Variants in CARS2 observed in about 807,000 individuals in gnomAD.
CARS2 encodes the protein cysteinyl-tRNA synthetase 2, mitochondrial, also known as probable cysteine--tRNA ligase, mitochondrial.
A neutral mutation model predicts 68.8 loss-of-function variants in CARS2; 52 were observed. The ratio of observed to expected loss-of-function variants is 0.76; its 90% CI spans 0.61 to 0.95. The LOEUF (loss-of-function observed/expected upper bound fraction) is 0.95. CARS2 is among the 40% of genes least tolerant of loss of function. CARS2 has a pLI of 0.00. For missense variants in CARS2, 780 were observed against 754.2 expected, an observed-to-expected ratio of 1.03 and a Z score of -0.40; for synonymous variants, 314 against 303.6, an observed-to-expected ratio of 1.03 and a Z score of -0.36.
At chr13:110,671,818 C>T in intron 7 of CARS2, among the ~76,000 whole-genome samples, 1 of 152,046 alleles carries the variant, frequency 6.6e-6, no homozygotes, top group East Asian at 1.9e-4. Flanking sequence ...TTCAGGAGAC[C>T]CATCTCACGT....
intron 9 of CARS2, among the ~76,000 whole-genome samples, chr13:110,656,043 C>T (rs936184361): frequency 3.9e-5 from 6 of 152,224 alleles, no homozygotes; most frequent in African/African-American, 1.4e-4. Context: ...CAGTGGCTCA[C>T]GCCTGTAATC....
chr13:110,672,753 T>C (rs1010433080), intron 7 of CARS2, among the ~76,000 whole-genome samples: 2 of 152,138 alleles, frequency 1.3e-5, no homozygotes, highest in African/African-American at 4.8e-5. Flanking sequence ...CAAAAAACCC[T>C]TCAAAAAATC....
At chr13:110,696,298 G>A (rs2139902764) in intron 3 of CARS2, among the ~76,000 whole-genome samples, 1 of 152,310 alleles carries the variant, frequency 6.6e-6, no homozygotes, top group Admixed American at 6.5e-5. Context: ...TAATGGGATT[G>A]CTGGGTTAAA....
At chr13:110,647,637 C>T (rs1031303595) in intron 10 of CARS2, among the ~76,000 whole-genome samples, 4 of 92,632 alleles carry the variant, frequency 4.3e-5, no homozygotes, top group Admixed American at 2.0e-4. Context: ...GTCAGAGGCA[C>T]CTCTAGGGAA....
At position 110,665,395 on chromosome 13, in the gene CARS2, C is replaced by T; in HGVS notation, c.920-1877G>A. 3 of 956,470 alleles carry T rather than the reference C, an allele frequency of 3.1e-6. No individual in the cohort carries two copies. Among genetic ancestry groups the T allele is most frequent in the Non-Finnish European group, 3.7e-6 (3 of 803,448 alleles). 59.2% of individuals were successfully genotyped at this position (956,470 alleles called of 1,614,324 possible). ...CAGGAGGCAGAGGTTGCGGTGAGCT[C>T]AGATAGTGCCACTGCACTCCCAGGC... On this transcript the variant is annotated intron_variant, in intron 8 of 14. Coordinates refer to ENST00000257347, the MANE Select transcript of CARS2 (RefSeq NM_024537.4). This position sits in a 1 kb window ranked among gnomAD's most constrained non-coding sequence, Gnocchi z 4.3.
exon 1 of CARS2, chr13:110,713,325 C>T (rs2064060497): frequency 1.8e-6 from 2 of 1,142,682 alleles, no homozygotes; most frequent in Admixed American, 4.7e-5. Flanking sequence ...GGTTTCTGTC[C>T]CGCGGCCCGT....
intron 9 of CARS2, among the ~76,000 whole-genome samples, chr13:110,660,265 T>C (rs1349116896): frequency 6.6e-6 from 1 of 152,236 alleles, no homozygotes; most frequent in Non-Finnish European, 1.5e-5. Context: ...CCTCCAATGA[T>C]GTCCTGAACC....
rs2062724675 is a variant in CARS2 at position 110,668,846 on chromosome 13, C to G, written c.786-1373G>C. ...GCTCAGAAGGAACAACAATAATGGT[C>G]TCTTCATTATTTAATCTTTCAACAA... On this transcript the variant is annotated intron_variant, in intron 7 of 14. Transcript: ENST00000257347. This position sits in a 1 kb window ranked among gnomAD's most constrained non-coding sequence, Gnocchi z 4.1. 6.6e-6 allele frequency among the ~76,000 whole-genome samples: 1 copy of G among 152,174 alleles called. No individual in the cohort carries two copies. Among genetic ancestry groups the G allele is most frequent in the Non-Finnish European group, 1.5e-5 (1 of 68,044 alleles).
intron 7 of CARS2, among the ~76,000 whole-genome samples, chr13:110,672,721 A>T (rs2062834305): frequency 6.6e-6 from 1 of 152,232 alleles, no homozygotes. Flanking sequence ...AGATCAGAGC[A>T]GAACTGAAGG....
intron 9 of CARS2, 54 bp from the exon 10 acceptor site, chr13:110,651,154 G>C: frequency 8.3e-7 from 1 of 1,208,984 alleles, no homozygotes; most frequent in Non-Finnish European, 1.2e-6. Context: ...GCTTCGCACT[G>C]TTCAGAGAAT....
At position 110,648,263 on chromosome 13, in the gene CARS2, T is replaced by TA. The variant is rs1888403368; in HGVS notation, c.1055-1025dup. Reference sequence around the variant, plus strand: ...AAAGCGATCTGACAAAATTTAAAGATAATATTCGGGGACTGATAGAGTTGA... The same window carrying TA: ...AAAGCGATCTGACAAAATTTAAAGATAAATATTCGGGGACTGATAGAGTTGA... On this transcript the variant is annotated intron_variant, in intron 10 of 14. Transcript: ENST00000257347. 5.3e-5 allele frequency: 8 copies of TA among 152,292 alleles called. No individual in the cohort carries two copies. In the South Asian group the frequency reaches 1.7e-3, roughly 32 times the overall value. 9.4% of individuals were successfully genotyped at this position (152,292 alleles called of 1,614,324 possible). A position where few individuals can be genotyped will look rare whatever the true frequency, so the allele number is the denominator to read the frequency against.
At chr13:110,673,964 C>A (rs1159527342) in intron 7 of CARS2, among the ~76,000 whole-genome samples, 1 of 152,150 alleles carries the variant, frequency 6.6e-6, no homozygotes, top group African/African-American at 2.4e-5. Context: ...TTCACAATTG[C>A]TTCAAAGAGA....
rs1032327144 is a variant in CARS2 at position 110,667,461 on chromosome 13, T to C, written c.798A>G (p.Gly266=). The part of the protein sequence containing the change: ...ECSAIASMVF[G]SQLDIHSGGI... ...CACCTGAATGGATATCCAGTTGACT[T>C]CCAAATACCATACTGCAAGACACAG... is the stretch of plus-strand genomic sequence containing the variant. Residue 266 remains glycine (G), a synonymous_variant, in exon 8 of 15, where the codon GGA becomes GGG. Transcript: ENST00000257347. 3 of 1,613,748 alleles carry C rather than the reference T, an allele frequency of 1.9e-6. No homozygotes were observed. In the Admixed American group the frequency reaches 5.0e-5, roughly 27 times the overall value.
At chr13:110,666,816 C>T (rs538936213) in intron 8 of CARS2, 1 of 985,386 alleles carries the variant, frequency 1.0e-6, no homozygotes, top group African/African-American at 1.7e-5. Context: ...TTAATCGTGA[C>T]CCTGTAAACT....
At chr13:110,675,673 T>G (rs552141056) in intron 7 of CARS2, among the ~76,000 whole-genome samples, 1 of 152,202 alleles carries the variant, frequency 6.6e-6, no homozygotes, top group Non-Finnish European at 1.5e-5. Flanking sequence ...AACCTGCACA[T>G]TGTGCACATG....
intron 11 of CARS2, 163 bp from the exon 12 acceptor site, chr13:110,646,253 T>C (rs1257474551): frequency 5.6e-6 from 4 of 719,436 alleles, no homozygotes; most frequent in African/African-American, 3.6e-5. Flanking sequence ...CAGAAAATTA[T>C]GTAACATCAA....
intron 11 of CARS2, 146 bp downstream of exon 11, chr13:110,646,954 TG>T: frequency 1.0e-6 from 1 of 954,218 alleles, no homozygotes; most frequent in Non-Finnish European, 1.5e-6. Context: ...CCCTGTCTCC[TG>T]GGGCCTCTCT....
At chr13:110,661,066 G>A (rs118104599) in intron 9 of CARS2, among the ~76,000 whole-genome samples, 7,367 of 152,184 alleles carry the variant, frequency 0.048, 253 homozygotes, top group East Asian at 0.12. Context: ...AGCCGATTTA[G>A]GGTAATTCTC....
In CARS2 at chr13:110,682,768, A is replaced by C. The variant is rs115504252; in HGVS notation, c.655+283T>G. ...TATGAGGTTTTCATGTGCGCTGAAA[A>C]CCCTGGGGAGGAAAAAGGAGACAGT... On this transcript the variant is annotated intron_variant, in intron 6 of 14. Transcript: ENST00000257347. Among the ~76,000 whole-genome samples the C allele has an allele frequency of 6.2e-3, 947 of 151,982 alleles. 9 individuals are homozygous for C. Among genetic ancestry groups the C allele is most frequent in the African/African-American group, 0.021 (875 of 41,430 alleles).
Sources: allele counts gnomAD v4.1 joint callset (sites outside exome capture counted in the v4.1 genomes callset), GRCh38; gene constraint gnomAD v4.1.1; non-coding constraint Gnocchi (gnomAD v3.1); transcripts MANE v1.5; gene names NCBI Gene and HGNC (gene_info 2026-07-23, HGNC 2026-07-21).